Variants in YTHDC2 observed in about 807,000 individuals in gnomAD.
YTHDC2 encodes YTH N6-methyladenosine RNA binding protein C2, also known as 3'-5' RNA helicase YTHDC2.
In YTHDC2, 45 loss-of-function variants were observed where a neutral mutation model predicts 174.9. The observed-to-expected ratio is 0.26, with a 90% confidence interval of 0.20 to 0.33. The LOEUF is 0.33. YTHDC2 is among the 10% of genes least tolerant of loss of function. The pLI, the probability that YTHDC2 is intolerant of heterozygous loss-of-function variation, is 1.00. For synonymous variants in YTHDC2, 657 were observed against 574.5 expected (o/e 1.14, Z -2.05); for missense variants, 1,650 against 1,723.7 (o/e 0.96, Z 0.76).
chr5:113,553,499 C>T (rs768074480), intron 13 of YTHDC2, 91 bp from the exon 14 acceptor site: 26 of 1,479,336 alleles, frequency 1.8e-5, no homozygotes, highest in South Asian at 2.5e-5. Context: ...TTTACCAGTA[C>T]TTGAAAACAT....
chr5:113,591,441 G>C (rs773597393), intron 27 of YTHDC2, among the ~76,000 whole-genome samples, 197 bp downstream of exon 27: 1 of 152,118 alleles, frequency 6.6e-6, no homozygotes, highest in Non-Finnish European at 1.5e-5. Flanking sequence ...TGTCTTACCA[G>C]AGTCTTTCCA....
chr5:113,557,574 A>G (rs2914153), intron 17 of YTHDC2, among the ~76,000 whole-genome samples: 103,898 of 152,012 alleles, frequency 0.68, 37,342 homozygotes, highest in African/African-American at 0.92. Flanking sequence ...TGGAAGGATC[A>G]CTTGAGTCTA....
chr5:113,550,592 C>T (rs1163057681), intron 12 of YTHDC2, among the ~76,000 whole-genome samples: 2 of 151,468 alleles, frequency 1.3e-5, no homozygotes, highest in South Asian at 2.1e-4. Context: ...GTTGGAGGTT[C>T]GCAGATAATG....
chr5:113,582,865 A>G (rs547174437), intron 25 of YTHDC2: 1 of 152,316 alleles, frequency 6.6e-6, no homozygotes, highest in South Asian at 2.1e-4. Context: ...TTCCAAGGAA[A>G]GCTTGTAAAA....
At chr5:113,582,825 A>G (rs911581547) in intron 25 of YTHDC2, 6 of 152,170 alleles carry the variant, frequency 3.9e-5, no homozygotes, top group Admixed American at 2.6e-4. Flanking sequence ...TGTTCTTCAG[A>G]TATTACATTT....
At chr5:113,533,268 C>T (rs775694615) in intron 5 of YTHDC2, among the ~76,000 whole-genome samples, 19 of 152,044 alleles carry the variant, frequency 1.2e-4, no homozygotes, top group African/African-American at 9.7e-5. Flanking sequence ...TCAGGCGGGA[C>T]GCGGTGGCTC....
In YTHDC2 at chr5:113,547,563, A is replaced by G. The variant is rs562257127; in HGVS notation, c.1496-978A>G. 3.3e-5 allele frequency among the ~76,000 whole-genome samples: 5 copies of G among 152,304 alleles called. No homozygotes were observed. The East Asian group carries it at 5.8e-4, about 18-fold the overall frequency. On this transcript the variant is annotated intron_variant, in intron 10 of 29. Transcript: ENST00000161863. ...TGTTCCACTCTGGTGGGGGATGTTG[A>G]TAATGGGGGAGGCTATACATGTGTG...
At position 113,591,988 on chromosome 5, in the gene YTHDC2, A is replaced by G; in HGVS notation, c.4030-8A>G. 6.3e-7 allele frequency: 1 copy of G among 1,595,210 alleles called. No individual in the cohort carries two copies. Among genetic ancestry groups the G allele is most frequent in the Admixed American group, 1.7e-5 (1 of 57,822 alleles). ...CACCTCTATTCCTTCCTCCCATTTTACCTACAGGGATTTTCTAGGATGTCT... is the reference window on the plus strand; with the variant it reads ...CACCTCTATTCCTTCCTCCCATTTTGCCTACAGGGATTTTCTAGGATGTCT... On this transcript the variant is annotated splice_region_variant and splice_polypyrimidine_tract_variant and intron_variant, in intron 27 of 29. Transcript: ENST00000161863.
At chr5:113,581,297 A>C in intron 24 of YTHDC2, 120 bp from the exon 25 acceptor site, 1 of 917,686 alleles carries the variant, frequency 1.1e-6, no homozygotes, top group Non-Finnish European at 1.5e-6. Context: ...TTAGTAGTAA[A>C]TTATATGAAA....
Position 113,594,200 on chromosome 5 carries a change from TC to T in YTHDC2, c.*729del. 6.6e-6 allele frequency: 1 copy of T among 152,288 alleles called. No individual in the cohort carries two copies. The highest frequency in any genetic ancestry group is 1.9e-4 in the East Asian group (1 of 5,190). 9.4% of individuals were successfully genotyped at this position (152,288 alleles called of 1,614,324 possible). On this transcript the variant is annotated 3_prime_UTR_variant, in exon 30 of 30. Transcript: ENST00000161863. ...ACCTGATGTGTACCTTACTCTTTCC[TC>T]CCTCTCTTCCTCCCTTCCTCCTCTC...
chr5:113,564,167 C>T (rs199549600), intron 20 of YTHDC2, 36 bp downstream of exon 20: 1 of 1,552,684 alleles, frequency 6.4e-7, no homozygotes. Context: ...GAAGACGTTG[C>T]TGGGTAAACA....
At chr5:113,561,232 G>C in intron 18 of YTHDC2, 47 bp downstream of exon 18, 16 of 1,463,176 alleles carry the variant, frequency 1.1e-5, no homozygotes, top group Non-Finnish European at 1.5e-5. Flanking sequence ...GGTGAGGGAA[G>C]TGAGGGGCCA....
chr5:113,594,092 A>G lies in YTHDC2; in HGVS notation c.*618A>G, dbSNP rs555760512. 19 of 152,314 alleles carry G rather than the reference A, an allele frequency of 1.2e-4. No individual in the cohort carries two copies. The highest frequency in any genetic ancestry group is 3.6e-4 in the African/African-American group (15 of 41,580). 9.4% of individuals were successfully genotyped at this position (152,314 alleles called of 1,614,324 possible). On this transcript the variant is annotated 3_prime_UTR_variant, in exon 30 of 30. Transcript: ENST00000161863. ...TCTTTTTCTGTGATTATGAAATGCAATAAAATCTGAATAAAGGGCAAAGTT... is the reference window on the plus strand; with the variant it reads ...TCTTTTTCTGTGATTATGAAATGCAGTAAAATCTGAATAAAGGGCAAAGTT...
At chr5:113,526,820 AAAAAAAATAT>A (rs374229364) in intron 4 of YTHDC2, 35 bp downstream of exon 4, 9,387 of 399,946 alleles carry the variant, frequency 0.023, 113 homozygotes, top group East Asian at 0.054. Flanking sequence ...AGAAAAAAAA[AAAAAAAATAT>A]ATATATATAT....
intron 10 of YTHDC2, 87 bp from the exon 11 acceptor site, chr5:113,548,454 G>C: frequency 7.6e-7 from 1 of 1,321,858 alleles, no homozygotes. Context: ...CTGAAACTCA[G>C]TTCTGCTATT....
intron 2 of YTHDC2, among the ~76,000 whole-genome samples, chr5:113,522,537 A>G (rs1773950098): frequency 6.6e-6 from 1 of 152,162 alleles, no homozygotes; most frequent in African/African-American, 2.4e-5. Context: ...TTTATTTAAA[A>G]AACTCTTGTG....
At chr5:113,561,009 C>A in intron 17 of YTHDC2, 71 bp from the exon 18 acceptor site, 1 of 1,264,030 alleles carries the variant, frequency 7.9e-7, no homozygotes, top group South Asian at 1.8e-5. Context: ...TTTCCTAAAT[C>A]ACATTGCGTT....
At chr5:113,549,711 C>G (rs114403512) in intron 12 of YTHDC2, among the ~76,000 whole-genome samples, 1,948 of 152,178 alleles carry the variant, frequency 0.013, 42 homozygotes, top group African/African-American at 0.046. Context: ...TGTCCATCCT[C>G]TTTAACCTGT....
intron 26 of YTHDC2, among the ~76,000 whole-genome samples, chr5:113,585,927 A>G (rs182150987): frequency 2.0e-4 from 30 of 152,082 alleles, no homozygotes; most frequent in African/African-American, 7.0e-4. Flanking sequence ...CTTTTTGGCT[A>G]TTATGAATAA....
Sources: allele counts gnomAD v4.1 joint callset (sites outside exome capture counted in the v4.1 genomes callset), GRCh38; gene constraint gnomAD v4.1.1; transcripts MANE v1.5; gene names NCBI Gene and HGNC (gene_info 2026-07-23, HGNC 2026-07-21).